TNR: variants seen among roughly 807,000 people sequenced by gnomAD.
The protein encoded by TNR is tenascin-R.
A neutral mutation model predicts 150.4 loss-of-function variants in TNR; 45 were observed. The ratio of observed to expected loss-of-function variants is 0.30; its 90% CI spans 0.24 to 0.38. The LOEUF is 0.38. Among genes scored for constraint, TNR ranks in the 10% least tolerant of loss-of-function variants. The pLI, the probability that TNR is intolerant of heterozygous loss-of-function variation, is 1.00. For missense variants in TNR, 1,544 were observed against 1,759.1 expected, an observed-to-expected ratio of 0.88 and a Z score of 2.19; for synonymous variants, 687 against 678.4, an observed-to-expected ratio of 1.01 and a Z score of -0.20.
rs371694471 is a variant in TNR, at chr1:175,376,860, T to TTATATATATA, written c.1963+2682_1963+2691dup. ...TTATGTGTAATATATAAATGTAATATTATATATATATATATATATACACAT... is the reference window on the plus strand; with the variant it reads ...TTATGTGTAATATATAAATGTAATATTATATATATATATATATATATATATATATACACAT... On this transcript the variant is annotated intron_variant, in intron 9 of 22. Coordinates refer to ENST00000367674, the MANE Select transcript of TNR (RefSeq NM_003285.3). 8.8e-4 allele frequency among the ~76,000 whole-genome samples: 100 copies of TTATATATATA among 113,700 alleles called. 1 individual carries two copies. The highest frequency in any genetic ancestry group is 2.9e-3 in the African/African-American group (94 of 32,488). The allele number at this position is 113,700 out of a possible 152,430, so 74.6% of individuals were successfully genotyped here.
chr1:175,434,963 G>A (rs576882265), intron 2 of TNR, among the ~76,000 whole-genome samples: 1 of 152,246 alleles, frequency 6.6e-6, no homozygotes, highest in African/African-American at 2.4e-5. Flanking sequence ...CACTCCCACA[G>A]CCAGCACTCT....
chr1:175,519,328 C>G (rs1254578433), intron 2 of TNR, among the ~76,000 whole-genome samples: 2 of 152,184 alleles, frequency 1.3e-5, no homozygotes, highest in African/African-American at 4.8e-5. Context: ...TTACAATTGT[C>G]CTGTGTTATC....
At chr1:175,512,006 T>C (rs974806166) in intron 2 of TNR, among the ~76,000 whole-genome samples, 4 of 152,214 alleles carry the variant, frequency 2.6e-5, no homozygotes, top group African/African-American at 9.6e-5. Context: ...GCTACAGCTA[T>C]AGGATGATTG....
chr1:175,597,117 A>G (rs562142002), intron 1 of TNR, among the ~76,000 whole-genome samples: 4 of 152,274 alleles, frequency 2.6e-5, no homozygotes, highest in African/African-American at 7.2e-5. Context: ...TCTTCTTAGG[A>G]GCTCAGAATG....
chr1:175,471,954 CT>C (rs1657312141), intron 2 of TNR, among the ~76,000 whole-genome samples: 1 of 150,588 alleles, frequency 6.6e-6, no homozygotes, highest in Non-Finnish European at 1.5e-5. Flanking sequence ...TTTTTTTTTA[CT>C]TTTTGAACTT....
chr1:175,408,868 C>A (rs1255445578), intron 2 of TNR, among the ~76,000 whole-genome samples: 1 of 152,194 alleles, frequency 6.6e-6, no homozygotes, highest in Non-Finnish European at 1.5e-5. Context: ...AATGTGTTAT[C>A]CATTTGTGGA....
At position 175,695,240 on chromosome 1, in the gene TNR, G is replaced by A. The variant is rs564563009; in HGVS notation, c.-165+47986C>T. ...CTGCCACATCATGAGGACTCTCAAG[G>A]GGCCCAGTGGAGAGTCCACATGGTG... On this transcript the variant is annotated intron_variant, in intron 1 of 22. Transcript: ENST00000367674. Among the ~76,000 whole-genome samples, 4 of 152,300 alleles carry A rather than the reference G, an allele frequency of 2.6e-5. No individual in the cohort carries two copies. In the South Asian group the frequency reaches 8.3e-4, roughly 32 times the overall value.
intron 1 of TNR, among the ~76,000 whole-genome samples, chr1:175,552,463 G>A (rs1374564823): frequency 2.0e-5 from 3 of 152,158 alleles, no homozygotes; most frequent in East Asian, 1.9e-4. Flanking sequence ...ATGTTATCTC[G>A]TTTGATCTTC....
At chr1:175,644,936 A>T (rs987218809) in intron 1 of TNR, among the ~76,000 whole-genome samples, 1 of 152,168 alleles carries the variant, frequency 6.6e-6, no homozygotes, top group Non-Finnish European at 1.5e-5. Flanking sequence ...TTGTGAATAA[A>T]CTTTAATTTT....
At chr1:175,545,466 T>G (rs1660650258) in intron 1 of TNR, among the ~76,000 whole-genome samples, 1 of 152,196 alleles carries the variant, frequency 6.6e-6, no homozygotes, top group Admixed American at 6.5e-5. Flanking sequence ...CTATTCAGTT[T>G]AGAAGAGATT....
Position 175,363,810 on chromosome 1 carries a change from C to A in TNR, c.2605G>T (p.Asp869Tyr). The change falls in exon 13 of 23, where the codon GAC (aspartate) becomes TAC (tyrosine). Residue 869 changes from aspartate (D) to tyrosine (Y), a missense_variant. Asp to Tyr is a radical substitution (Grantham distance 160). This residue lies in a region of TNR where 1,254 missense variants were observed against 1,329.4 expected (regional missense o/e 0.94). Coordinates refer to ENST00000367674, the MANE Select transcript of TNR (RefSeq NM_003285.3). ...TTGGTCACATTGCTAATTGTGATGTCTTTTGGGGGATCAATTCCTACAAGG... is the reference window on the plus strand; with the variant it reads ...TTGGTCACATTGCTAATTGTGATGTATTTTGGGGGATCAATTCCTACAAGG... ...SITTGIDPPK[D>Y]ITISNVTKDS... 1 of 1,612,774 alleles carries A rather than the reference C, an allele frequency of 6.2e-7. No individual in the cohort carries two copies. The highest frequency in any genetic ancestry group is 8.5e-7 in the Non-Finnish European group (1 of 1,179,370).
At chr1:175,424,608 T>C (rs1471890130) in intron 2 of TNR, among the ~76,000 whole-genome samples, 1 of 152,208 alleles carries the variant, frequency 6.6e-6, no homozygotes, top group East Asian at 1.9e-4. Context: ...CTGGGGTTTC[T>C]GACCAATCTG....
chr1:175,374,401 T>C (rs1055755818), intron 9 of TNR, among the ~76,000 whole-genome samples: 10 of 152,092 alleles, frequency 6.6e-5, no homozygotes, highest in Non-Finnish European at 4.4e-5. Context: ...TGTGAAAGTG[T>C]AGTGTGTACG....
At chr1:175,412,222 T>C (rs1265890016) in intron 2 of TNR, among the ~76,000 whole-genome samples, 2 of 152,236 alleles carry the variant, frequency 1.3e-5, no homozygotes, top group South Asian at 2.1e-4. Flanking sequence ...GTGCTCTTAG[T>C]GGCTGTTTTC....
In TNR at chr1:175,406,473, G is replaced by GCT; in HGVS notation, c.241_242insAG (p.Ser81Ter). 6.2e-7 allele frequency: 1 copy of GCT among 1,614,200 alleles called. No individual in the cohort carries two copies. Among genetic ancestry groups the GCT allele is most frequent in the Non-Finnish European group, 8.5e-7 (1 of 1,180,040 alleles). ...CTGCTCAGCAGAGGCCTCTAGCCCT[G>GCT]AGGAGCAGAGGTTGTCCAAGGGCAC... ...INVPLDNLCSSGLEASAEQEV... is the reference protein window; with the variant it reads ...INVPLDNLCS Residue 81 changes from serine to a stop codon, truncating the protein, a stop_gained and frameshift_variant, in exon 3 of 23, where the codon TCA (serine) becomes TAGCA (stop). Coordinates refer to ENST00000367674, the MANE Select transcript of TNR (RefSeq NM_003285.3). LOFTEE classifies it high-confidence loss of function.
At chr1:175,657,941 A>C (rs1665242867) in intron 1 of TNR, among the ~76,000 whole-genome samples, 1 of 148,808 alleles carries the variant, frequency 6.7e-6, no homozygotes, top group African/African-American at 2.5e-5. Flanking sequence ...TAATAAAAAA[A>C]AAAAGGATGC....
chr1:175,466,368 C>T (rs1307062833), intron 2 of TNR, among the ~76,000 whole-genome samples: 1 of 152,190 alleles, frequency 6.6e-6, no homozygotes, highest in Non-Finnish European at 1.5e-5. Flanking sequence ...CCCTTGTTCC[C>T]CAGTTCTAGA....
intron 1 of TNR, among the ~76,000 whole-genome samples, chr1:175,634,014 C>G (rs201895977): frequency 4.5e-4 from 36 of 79,744 alleles, no homozygotes; most frequent in African/African-American, 2.6e-3. Context: ...ATGATGATGA[C>G]GATGATGATG....
intron 13 of TNR, 111 bp from the exon 14 acceptor site, chr1:175,362,920 TG>T: frequency 7.7e-7 from 1 of 1,300,102 alleles, no homozygotes; most frequent in Non-Finnish European, 1.1e-6. Context: ...CCGCACTCAG[TG>T]GGGAGGGATG....
Sources: gnomAD v4.1 joint callset for allele counts (sites outside exome capture counted in the v4.1 genomes callset) on GRCh38, gnomAD v4.1.1 for gene constraint, gnomAD v4.1.1 regional missense constraint, MANE v1.5 for transcripts, NCBI Gene and HGNC (gene_info 2026-07-23, HGNC 2026-07-21) for gene names.